Variants in ACCSL observed in about 807,000 individuals in gnomAD.
The protein encoded by ACCSL is 1-aminocyclopropane-1-carboxylate synthase homolog (inactive) like.
ACCSL carries 55 observed loss-of-function variants against 61.7 expected under a neutral mutation model. That is an observed-to-expected ratio of 0.89 (90% CI 0.72 to 1.12). ACCSL has a LOEUF of 1.12. Among genes scored for constraint, ACCSL ranks in the 50% most tolerant of loss-of-function variants. ACCSL has a pLI of 0.00. For missense variants in ACCSL, 632 were observed against 698.0 expected (o/e 0.91, Z 1.07); for synonymous variants, 258 against 264.3 (o/e 0.98, Z 0.23).
At position 44,058,421 on chromosome 11, in the gene ACCSL, C is replaced by A. The variant is rs1267336731; in HGVS notation, c.1432C>A (p.Arg478Ser). 5 of 1,613,976 alleles carry A rather than the reference C, an allele frequency of 3.1e-6. No homozygotes were observed. Among genetic ancestry groups the A allele is most frequent in the African/African-American group, 1.3e-5 (1 of 74,872 alleles). Residue 478 changes from arginine (R) to serine (S), a missense_variant, in exon 12 of 14, where the codon CGC becomes AGC. Physicochemically the swap from Arg to Ser is moderately radical, Grantham distance 110. Transcript: ENST00000378832. Reference sequence around the variant, plus strand: ...GGCATTGGAGATCCCTTTTCACAACCGCAGCTCTGGCCTCTATGTCTGGAT... The same window carrying A: ...GGCATTGGAGATCCCTTTTCACAACAGCAGCTCTGGCCTCTATGTCTGGAT... ...LKALEIPFHN[R>S]SSGLYVWINL...
chr11:44,012,038 G>T, the ACCSL span, among the ~76,000 whole-genome samples: 6 of 152,106 alleles, frequency 3.9e-5, no homozygotes, highest in Admixed American at 3.9e-4. Flanking sequence ...GGAAAGAGAA[G>T]AACCTCCCTT....
Position 44,048,336 on chromosome 11 carries a change from C to A in ACCSL, c.300C>A (p.Asp100Glu). The change falls in exon 1 of 14, where the codon GAC becomes GAA. Residue 100 changes from aspartate (D) to glutamate (E), a missense_variant. Transcript: ENST00000378832. ...LELQVPLPSEDSRGDVRYGQR... is the reference protein window; with the variant it reads ...LELQVPLPSEESRGDVRYGQR... ...TCCAAGTGCCTCTTCCTTCTGAGGACTCTAGGGGTGATGTCAGATATGGGC... is the reference window on the plus strand; with the variant it reads ...TCCAAGTGCCTCTTCCTTCTGAGGAATCTAGGGGTGATGTCAGATATGGGC... The A allele has an allele frequency of 6.2e-7, 1 of 1,614,058 alleles. No homozygotes were observed. Among genetic ancestry groups the A allele is most frequent in the Non-Finnish European group, 8.5e-7 (1 of 1,179,996 alleles).
the ACCSL span, among the ~76,000 whole-genome samples, chr11:43,939,703 A>G: frequency 2.0e-5 from 3 of 152,312 alleles, no homozygotes; most frequent in East Asian, 5.8e-4. Context: ...TCTGCCTCCC[A>G]GGTTCAAACG....
intron 7 of ACCSL, among the ~76,000 whole-genome samples, 164 bp from the exon 8 acceptor site, chr11:44,053,242 C>A (rs779185580): frequency 6.6e-6 from 1 of 152,076 alleles, no homozygotes; most frequent in Non-Finnish European, 1.5e-5. Context: ...TTATGGCAGC[C>A]CCAGACTTCC....
At chr11:44,055,716 G>A (rs1053413001) in intron 9 of ACCSL, among the ~76,000 whole-genome samples, 9 of 152,234 alleles carry the variant, frequency 5.9e-5, no homozygotes, top group Admixed American at 2.0e-4. Flanking sequence ...GGAAATACTC[G>A]GGCACGTTCT....
At chr11:44,022,815 T>G in the ACCSL span, among the ~76,000 whole-genome samples, 1 of 152,170 alleles carries the variant, frequency 6.6e-6, no homozygotes, top group African/African-American at 2.4e-5. Context: ...GATCGCTTTG[T>G]CTGGCTATGA....
chr11:43,974,611 C>A, the ACCSL span, among the ~76,000 whole-genome samples: 1 of 152,294 alleles, frequency 6.6e-6, no homozygotes, highest in East Asian at 1.9e-4. Context: ...TCCAAGATGG[C>A]CTTAAGGATC....
At chr11:43,969,293 C>G in the ACCSL span, among the ~76,000 whole-genome samples, 1 of 152,088 alleles carries the variant, frequency 6.6e-6, no homozygotes, top group Non-Finnish European at 1.5e-5. Flanking sequence ...CCCAGGAGGT[C>G]AAGGCTGCAG....
At chr11:44,056,137 A>C in intron 10 of ACCSL, 48 bp from the exon 11 acceptor site, 1 of 1,614,238 alleles carries the variant, frequency 6.2e-7, no homozygotes. Context: ...AGCCAGGAAT[A>C]GAAGGCAGAC....
the ACCSL span, among the ~76,000 whole-genome samples, chr11:44,037,957 G>A: frequency 6.6e-6 from 1 of 151,994 alleles, no homozygotes; most frequent in Non-Finnish European, 1.5e-5. Flanking sequence ...GCTCTTCCAT[G>A]GGCCAACCAC....
chr11:43,972,608 G>A, the ACCSL span, among the ~76,000 whole-genome samples: 5 of 152,154 alleles, frequency 3.3e-5, no homozygotes, highest in South Asian at 1.0e-3. Flanking sequence ...CGGAAGGCTG[G>A]ACCTGCCTGT....
chr11:44,013,168 G>C, the ACCSL span, among the ~76,000 whole-genome samples: 45 of 152,300 alleles, frequency 3.0e-4, no homozygotes, highest in Non-Finnish European at 5.1e-4. Context: ...AAAAAGCAAA[G>C]TGCAAAACAG....
the ACCSL span, among the ~76,000 whole-genome samples, chr11:44,016,701 G>T: frequency 6.6e-6 from 1 of 152,098 alleles, no homozygotes; most frequent in Non-Finnish European, 1.5e-5. Context: ...CATGATAGGG[G>T]ACTTGCCAAG....
rs141407830 is a variant in ACCSL, at chr11:44,048,255, C to T, written c.219C>T (p.Arg73=). The change falls in exon 1 of 14, where the codon CGC becomes CGT. Residue 73 remains arginine, a synonymous_variant. Transcript: ENST00000378832. ...AICEHEALLS[R]LICRMINLLQ... Reference sequence around the variant, plus strand: ...GTGAGCATGAAGCCCTTCTGAGTCGCTTAATATGCCGGATGATCAACCTCC... The same window carrying T: ...GTGAGCATGAAGCCCTTCTGAGTCGTTTAATATGCCGGATGATCAACCTCC... 1 of 1,614,176 alleles carries T rather than the reference C, an allele frequency of 6.2e-7. No individual in the cohort carries two copies. The highest frequency in any genetic ancestry group is 8.5e-7 in the Non-Finnish European group (1 of 1,180,028).
chr11:44,050,192 A>C, intron 2 of ACCSL, 71 bp downstream of exon 2: 2 of 1,311,768 alleles, frequency 1.5e-6, no homozygotes, highest in Non-Finnish European at 2.2e-6. Flanking sequence ...CTCCTGAGCT[A>C]TGGTAGATAC....
the ACCSL span, among the ~76,000 whole-genome samples, chr11:43,954,096 C>A: frequency 6.6e-6 from 1 of 152,174 alleles, no homozygotes; most frequent in Non-Finnish European, 1.5e-5. Flanking sequence ...CCACATGTGG[C>A]TCTGGAGAGG....
chr11:43,928,036 G>C, the ACCSL span, among the ~76,000 whole-genome samples: 1 of 152,212 alleles, frequency 6.6e-6, no homozygotes, highest in Non-Finnish European at 1.5e-5. Flanking sequence ...AATATGAGGT[G>C]GTGGCCAGGG....
chr11:44,058,586 A>G lies in ACCSL; in HGVS notation c.1511A>G (p.Tyr504Cys). 6.2e-7 allele frequency: 1 copy of G among 1,614,076 alleles called. No homozygotes were observed. Among genetic ancestry groups the G allele is most frequent in the Non-Finnish European group, 8.5e-7 (1 of 1,180,010 alleles). ...ACATTTGAAGAAGAACGGCTCCTCT[A>G]TTGCCGCTTCCTGGACAACAAGCTA... ...PCTFEEERLL[Y>C]CRFLDNKLLL... Residue 504 changes from tyrosine (Y) to cysteine (C), a missense_variant, in exon 13 of 14, where the codon TAT (tyrosine) becomes TGT (cysteine). Transcript: ENST00000378832.
intron 13 of ACCSL, 22 bp downstream of exon 13, chr11:44,058,721 A>G (rs1438860005): frequency 6.3e-7 from 1 of 1,596,638 alleles, no homozygotes; most frequent in Non-Finnish European, 8.6e-7. Context: ...TGACCTCCCA[A>G]TCCTTTAAAG....
Sources: allele counts gnomAD v4.1 joint callset (sites outside exome capture counted in the v4.1 genomes callset), GRCh38; gene constraint gnomAD v4.1.1; transcripts MANE v1.5; gene names NCBI Gene and HGNC (gene_info 2026-07-23, HGNC 2026-07-21).